Variants in GDF10 observed in about 807,000 individuals in gnomAD.
The protein encoded by GDF10 is growth/differentiation factor 10.
In GDF10, 23 loss-of-function variants were observed where a neutral mutation model predicts 32.1. That is an observed-to-expected ratio of 0.72 (90% CI 0.52 to 1.02). The LOEUF (loss-of-function observed/expected upper bound fraction) is 1.02, where lower values mean the gene tolerates loss of function less well. GDF10 is among the 50% of genes least tolerant of loss of function. The pLI is 0.00. For missense variants in GDF10, 764 were observed against 673.9 expected, an observed-to-expected ratio of 1.13 and a Z score of -1.48; for synonymous variants, 328 against 303.1, an observed-to-expected ratio of 1.08 and a Z score of -0.85.
intron 1 of GDF10, among the ~76,000 whole-genome samples, chr10:47,306,576 C>T (rs948508569): frequency 6.6e-6 from 1 of 152,172 alleles, no homozygotes; most frequent in African/African-American, 2.4e-5. Flanking sequence ...GTCCCTGTCC[C>T]GTTAGAGTTT....
intron 1 of GDF10, among the ~76,000 whole-genome samples, chr10:47,307,741 T>G (rs555091565): frequency 6.6e-6 from 1 of 152,134 alleles, no homozygotes; most frequent in South Asian, 2.1e-4. Context: ...AATGGAGGAG[T>G]TGAGACTTGA....
chr10:47,305,646 A>G (rs1301757630), intron 1 of GDF10, among the ~76,000 whole-genome samples: 1 of 152,118 alleles, frequency 6.6e-6, no homozygotes, highest in Non-Finnish European at 1.5e-5. Flanking sequence ...ATCTTTTTAT[A>G]TAGGGCAGAG....
intron 1 of GDF10, among the ~76,000 whole-genome samples, chr10:47,304,970 G>A (rs370086295): frequency 1.3e-5 from 2 of 151,870 alleles, no homozygotes; most frequent in Admixed American, 6.6e-5. Flanking sequence ...TGAGTGCGAT[G>A]TAAGAGGGAA....
intron 1 of GDF10, among the ~76,000 whole-genome samples, chr10:47,306,893 A>C (rs983735687): frequency 2.6e-5 from 4 of 152,064 alleles, no homozygotes; most frequent in Non-Finnish European, 5.9e-5. Context: ...ATAGGAGATA[A>C]AGTTGCAGAG....
Position 47,300,655 on chromosome 10 carries a change from G to T in GDF10, c.4G>T (p.Ala2Ser). 1 of 1,595,378 alleles carries T rather than the reference G, an allele frequency of 6.3e-7. No homozygotes were observed. Among genetic ancestry groups the T allele is most frequent in the South Asian group, 1.1e-5 (1 of 89,142 alleles). ...CCTTTGCCGCCCTCACCACGCCATG[G>T]CTCATGTCCCCGCTCGGACCAGCCC... is the stretch of plus-strand genomic sequence containing the variant. M[A>S]HVPARTSPGP... is the part of the protein sequence containing the mutation. The change falls in exon 1 of 3, where the codon GCT becomes TCT. Residue 2 changes from alanine to serine, a missense_variant. By Grantham distance (99) the Ala-to-Ser change is moderately conservative. Transcript: ENST00000580279.
intron 1 of GDF10, 61 bp downstream of exon 1, chr10:47,301,031 C>A: frequency 8.7e-7 from 1 of 1,152,858 alleles, no homozygotes. Context: ...ACTTTTCTGT[C>A]TCCCCACCCG....
intron 1 of GDF10, among the ~76,000 whole-genome samples, chr10:47,304,233 G>A (rs577978630): frequency 1.3e-5 from 2 of 152,272 alleles, no homozygotes; most frequent in Admixed American, 1.3e-4. Flanking sequence ...AGGAGATGGA[G>A]ACGGACAAAT....
Position 47,312,655 on chromosome 10 carries a change from A to G in GDF10, c.1300A>G (p.Ile434Val). Residue 434 changes from isoleucine to valine, a missense_variant, in exon 3 of 3, where the codon ATC (isoleucine) becomes GTC (valine). Ile to Val is a conservative substitution (Grantham distance 29). Coordinates refer to ENST00000580279, the MANE Select transcript of GDF10 (RefSeq NM_004962.5). ...TIQSIVRAVGIIPGIPEPCCV... is the reference protein window; with the variant it reads ...TIQSIVRAVGVIPGIPEPCCV... ...CCAGAGCATTGTCAGGGCTGTGGGCATCATCCCTGGCATCCCAGAGCCCTG... is the reference window on the plus strand; with the variant it reads ...CCAGAGCATTGTCAGGGCTGTGGGCGTCATCCCTGGCATCCCAGAGCCCTG... 1 of 1,609,164 alleles carries G rather than the reference A, an allele frequency of 6.2e-7. No homozygotes were observed. Among genetic ancestry groups the G allele is most frequent in the South Asian group, 1.1e-5 (1 of 90,000 alleles).
chr10:47,310,816 C>A, intron 2 of GDF10, 95 bp downstream of exon 2: 1 of 823,148 alleles, frequency 1.2e-6, no homozygotes, highest in Non-Finnish European at 2.0e-6. Context: ...TCCCCATCTG[C>A]AAAATGGGAA....
rs781932774 is a variant in GDF10 at position 47,300,730 on chromosome 10, T to G, written c.79T>G (p.Leu27Val). The G allele has an allele frequency of 6.3e-7, 1 of 1,579,702 alleles. No individual in the cohort carries two copies. The highest frequency in any genetic ancestry group is 8.6e-7 in the Non-Finnish European group (1 of 1,166,414). ...GCTGCTGCTGCCGTTGTTTCTGCTG[T>G]TGCTCCGGGATGTGGCCGGCAGCCA... ...LLLLLPLFLL[L>V]LRDVAGSHRA... The change falls in exon 1 of 3, where the codon TTG becomes GTG. Residue 27 changes from leucine to valine, a missense_variant. Transcript: ENST00000580279.
intron 2 of GDF10, among the ~76,000 whole-genome samples, chr10:47,310,990 A>G (rs2061044348): frequency 1.3e-5 from 2 of 152,200 alleles, no homozygotes; most frequent in African/African-American, 2.4e-5. Context: ...TTCTTTTGAA[A>G]AGCAGGAGAA....
At chr10:47,310,900 T>C (rs1215737229) in intron 2 of GDF10, 179 bp downstream of exon 2, 2 of 591,188 alleles carry the variant, frequency 3.4e-6, no homozygotes, top group African/African-American at 3.7e-5. Flanking sequence ...CGTAGGGTAG[T>C]TGCCGCCCAC....
Position 47,300,796 on chromosome 10 carries a change from G to T in GDF10, c.145G>T (p.Gly49Cys), listed in dbSNP as rs45546635. Residue 49 changes from glycine to cysteine, a missense_variant, in exon 1 of 3, where the codon GGC becomes TGC. Coordinates refer to ENST00000580279, the MANE Select transcript of GDF10 (RefSeq NM_004962.5). ...GTCCGCACTGCCCGCGGCCGCCGAC[G>T]GCCTGCAGGGGGACAGGGATCTCCA... ...AWSALPAAAD[G>C]LQGDRDLQRH... The T allele has an allele frequency of 3.2e-6, 5 of 1,566,514 alleles. No homozygotes were observed. The highest frequency in any genetic ancestry group is 1.7e-4 in the Middle Eastern group (1 of 5,876).
intron 1 of GDF10, among the ~76,000 whole-genome samples, chr10:47,301,262 G>C (rs970276085): frequency 6.6e-6 from 1 of 152,332 alleles, no homozygotes; most frequent in Middle Eastern, 3.4e-3. Flanking sequence ...TGGAAGAGGG[G>C]ACATAGGCCA....
rs782497205 is a variant in GDF10, at chr10:47,309,910, C to T, written c.434C>T (p.Ala145Val). ...TCAGAGCCGCCTCGGTGGCCTCGAG[C>T]GCTCGAGGTGCTATGCAAGCCGCGG... ...FYSEPPRWPRALEVLCKPRAK... is the reference protein window; with the variant it reads ...FYSEPPRWPRVLEVLCKPRAK... The change falls in exon 2 of 3, where the codon GCG becomes GTG. Residue 145 changes from alanine to valine, a missense_variant. Physicochemically the swap from Ala to Val is moderately conservative, Grantham distance 64. Coordinates refer to ENST00000580279, the MANE Select transcript of GDF10 (RefSeq NM_004962.5). The T allele has an allele frequency of 3.8e-5, 61 of 1,612,718 alleles. No homozygotes were observed. In the East Asian group the frequency reaches 5.1e-4, roughly 14 times the overall value.
At chr10:47,303,094 C>T (rs1165438848) in intron 1 of GDF10, among the ~76,000 whole-genome samples, 1 of 152,208 alleles carries the variant, frequency 6.6e-6, no homozygotes, top group Non-Finnish European at 1.5e-5. Flanking sequence ...TCATGCCAAG[C>T]CTCTTGCCTG....
At position 47,310,408 on chromosome 10, in the gene GDF10, C is replaced by T. The variant is rs1555207605; in HGVS notation, c.932C>T (p.Pro311Leu). The T allele has an allele frequency of 3.1e-6, 5 of 1,610,620 alleles. No individual in the cohort carries two copies. Among genetic ancestry groups the T allele is most frequent in the Non-Finnish European group, 4.2e-6 (5 of 1,179,312 alleles). ...CTGCCGGGGCTGGATGAGAGGCCGC[C>T]GCGCGCCCACGCACAGCACTTCCAC... ...NELPGLDERP[P>L]RAHAQHFHKH... The change falls in exon 2 of 3, where the codon CCG (proline) becomes CTG (leucine). Residue 311 changes from proline (P) to leucine (L), a missense_variant. Physicochemically the swap from Pro to Leu is moderately conservative, Grantham distance 98. Coordinates refer to ENST00000580279, the MANE Select transcript of GDF10 (RefSeq NM_004962.5).
chr10:47,300,615 C>G lies in GDF10; in HGVS notation c.-37C>G. ...CGGTGCGCCAGCGCTCGCCTTCCTC[C>G]TCCTGGACTTCGGCCCTTTGCCGCC... On this transcript the variant is annotated 5_prime_UTR_variant, in exon 1 of 3. Coordinates refer to ENST00000580279, the MANE Select transcript of GDF10 (RefSeq NM_004962.5). 3.2e-6 allele frequency: 5 copies of G among 1,545,920 alleles called. No homozygotes were observed. Among genetic ancestry groups the G allele is most frequent in the Non-Finnish European group, 4.4e-6 (5 of 1,147,354 alleles).
At position 47,310,096 on chromosome 10, in the gene GDF10, C is replaced by T. The variant is rs781841433; in HGVS notation, c.620C>T (p.Ser207Phe). Reference protein sequence around the residue: ...PRGLWQAKDISPIVKAARRDG... With the variant: ...PRGLWQAKDIFPIVKAARRDG... ...GGCCTGTGGCAGGCCAAGGACATCT[C>T]CCCCATCGTCAAGGCGGCCCGCCGG... Residue 207 changes from serine to phenylalanine, a missense_variant, in exon 2 of 3, where the codon TCC becomes TTC. By Grantham distance (155) the Ser-to-Phe change is radical (BLOSUM62 -2). Transcript: ENST00000580279. 8.1e-6 allele frequency: 13 copies of T among 1,608,734 alleles called. No individual in the cohort carries two copies. The highest frequency in any genetic ancestry group is 1.0e-5 in the Non-Finnish European group (12 of 1,178,932).
Sources: gnomAD v4.1 joint callset for allele counts (sites outside exome capture counted in the v4.1 genomes callset) on GRCh38, gnomAD v4.1.1 for gene constraint, MANE v1.5 for transcripts, NCBI Gene and HGNC (gene_info 2026-07-23, HGNC 2026-07-21) for gene names.